Variants in CDH18 observed in about 807,000 individuals in gnomAD.
CDH18 encodes the protein cadherin-18.
A neutral mutation model predicts 67.9 loss-of-function variants in CDH18; 31 were observed. That is an observed-to-expected ratio of 0.46 (90% CI 0.34 to 0.62). The LOEUF is 0.62. CDH18 is among the 20% of genes least tolerant of loss of function. The pLI is 0.01. For synonymous variants in CDH18, 362 were observed against 347.2 expected, an observed-to-expected ratio of 1.04 and a Z score of -0.48; for missense variants, 890 against 975.5, an observed-to-expected ratio of 0.91 and a Z score of 1.17.
intron 5 of CDH18, among the ~76,000 whole-genome samples, chr5:19,666,865 AC>A (rs1263731429): frequency 6.6e-6 from 1 of 152,100 alleles, no homozygotes; most frequent in African/African-American, 2.4e-5. Context: ...TAAAAAAGTT[AC>A]CTGTGGCCTT....
intron 2 of CDH18, among the ~76,000 whole-genome samples, chr5:19,960,151 A>G (rs1217741569): frequency 2.6e-5 from 4 of 152,052 alleles, no homozygotes; most frequent in Non-Finnish European, 4.4e-5. Flanking sequence ...TTTCTTTAAC[A>G]GTAAGTTAAT....
intron 1 of CDH18, among the ~76,000 whole-genome samples, chr5:20,258,949 C>A (rs1744444502): frequency 6.6e-6 from 1 of 152,056 alleles, no homozygotes; most frequent in Non-Finnish European, 1.5e-5. Context: ...GAGCAGAGAA[C>A]CTAGGTAAGC....
At chr5:19,975,610 T>C (rs1024062193) in intron 2 of CDH18, among the ~76,000 whole-genome samples, 8 of 152,208 alleles carry the variant, frequency 5.3e-5, no homozygotes, top group African/African-American at 1.9e-4. Flanking sequence ...TTTTTATAAA[T>C]AATACTTTTT....
chr5:20,190,271 C>T (rs1247165049), intron 2 of CDH18, among the ~76,000 whole-genome samples: 2 of 152,260 alleles, frequency 1.3e-5, no homozygotes, highest in East Asian at 3.9e-4. Flanking sequence ...TCTTCAGTTA[C>T]ATCAATCCTT....
intron 2 of CDH18, among the ~76,000 whole-genome samples, chr5:19,857,770 A>G (rs1784465257): frequency 6.6e-6 from 1 of 152,194 alleles, no homozygotes; most frequent in Non-Finnish European, 1.5e-5. Context: ...AGCAAACTTA[A>G]GAAATTCAGA....
intron 3 of CDH18, among the ~76,000 whole-genome samples, chr5:19,782,586 A>C (rs2149786350): frequency 6.6e-6 from 1 of 152,268 alleles, no homozygotes; most frequent in Non-Finnish European, 1.5e-5. Context: ...TCTACAATGG[A>C]GTCAGGGCAG....
chr5:20,131,817 A>T (rs575890971), intron 2 of CDH18, among the ~76,000 whole-genome samples: 103 of 152,264 alleles, frequency 6.8e-4, no homozygotes, highest in African/African-American at 2.4e-3. Context: ...TGGGTCTATT[A>T]CTTTACACTT....
At chr5:20,549,826 AT>A (rs998111877) in intron 1 of CDH18, among the ~76,000 whole-genome samples, 1 of 152,190 alleles carries the variant, frequency 6.6e-6, no homozygotes, top group African/African-American at 2.4e-5. Context: ...ACATATAAAA[AT>A]GTGCATATTT....
intron 2 of CDH18, among the ~76,000 whole-genome samples, chr5:20,054,198 C>A (rs1025814643): frequency 2.6e-5 from 4 of 151,980 alleles, no homozygotes; most frequent in South Asian, 4.1e-4. Flanking sequence ...GATGTTACAT[C>A]CCCAAATATA....
upstream of CDH18, among the ~76,000 whole-genome samples, chr5:19,988,758 T>G (rs1382659137): frequency 6.6e-6 from 1 of 152,098 alleles, no homozygotes; most frequent in Non-Finnish European, 1.5e-5. Context: ...CTGCTAAACA[T>G]TCAACTGCTG....
Position 20,080,921 on chromosome 5 carries a change from TG to T in CDH18, c.-517-88908del, listed in dbSNP as rs1241889726. Among the ~76,000 whole-genome samples, 3 of 152,244 alleles carry T rather than the reference TG, an allele frequency of 2.0e-5. No homozygotes were observed. In the East Asian group the frequency reaches 5.8e-4, roughly 29 times the overall value. On this transcript the variant is annotated intron_variant, in intron 2 of 14. Transcript: ENST00000507958. ...TCTACTCTTTCCTAAGCCTCAGCAG[TG>T]TTCATTCCCTCTAATATTGCATTAG... is the stretch of plus-strand genomic sequence containing the variant.
chr5:20,305,688 C>G lies in CDH18; in HGVS notation c.-579-50183G>C, dbSNP rs116381614. ...GTAGGGGAGATCCTCACGCTGTGTT[C>G]GGCAGCGAGGCGGCGAGACGCGCCG... On this transcript the variant is annotated intron_variant, in intron 1 of 14. Transcript: ENST00000507958. 1.6e-3 allele frequency: 692 copies of G among 442,396 alleles called. 9 individuals carry two copies. The highest frequency in any genetic ancestry group is 0.013 in the African/African-American group (633 of 48,286). The allele number at this position is 442,396 out of a possible 1,614,324, so 27.4% of individuals were successfully genotyped here.
At chr5:20,465,981 T>A (rs1017237510) in intron 1 of CDH18, among the ~76,000 whole-genome samples, 1 of 152,070 alleles carries the variant, frequency 6.6e-6, no homozygotes, top group Admixed American at 6.6e-5. Flanking sequence ...TTCTGCTCTT[T>A]AAATTTTTAA....
rs916914154 is a variant in CDH18, at chr5:19,472,525, T to A, written c.*701A>T. ...AGTATCCCATTAAAATAAAAGGGGG[T>A]GTACGGGATAGAGACAATAGTCTCG... On this transcript the variant is annotated 3_prime_UTR_variant, in exon 13 of 13. Transcript: ENST00000382275. 2.6e-5 allele frequency among the ~76,000 whole-genome samples: 4 copies of A among 152,014 alleles called. No individual in the cohort carries two copies. The highest frequency in any genetic ancestry group is 4.8e-5 in the African/African-American group (2 of 41,402).
chr5:20,457,647 T>A (rs1411174567), intron 1 of CDH18, among the ~76,000 whole-genome samples: 1 of 152,162 alleles, frequency 6.6e-6, no homozygotes, highest in East Asian at 1.9e-4. Context: ...TGCTTGGAAA[T>A]CCTGTACTAG....
At chr5:19,984,073 A>G (rs1037345923) in intron 1 of CDH18, among the ~76,000 whole-genome samples, 6 of 152,128 alleles carry the variant, frequency 3.9e-5, no homozygotes, top group Non-Finnish European at 7.4e-5. Context: ...TATCCTCTCT[A>G]CTATTCACAT....
intron 2 of CDH18, among the ~76,000 whole-genome samples, chr5:19,855,685 A>G (rs1441717547): frequency 6.6e-6 from 1 of 152,152 alleles, no homozygotes. Flanking sequence ...TTGATCCTCA[A>G]AATGCAATAT....
At chr5:19,856,607 G>C (rs1784309354) in intron 2 of CDH18, among the ~76,000 whole-genome samples, 2 of 152,080 alleles carry the variant, frequency 1.3e-5, no homozygotes, top group Non-Finnish European at 2.9e-5. Context: ...TCTTCAAAGA[G>C]GTTATCAAGT....
chr5:20,553,322 G>A (rs985505356), intron 1 of CDH18, among the ~76,000 whole-genome samples: 2 of 151,884 alleles, frequency 1.3e-5, no homozygotes, highest in African/African-American at 2.4e-5. Context: ...CATCATAATT[G>A]TTGGTTATAT....
Sources: allele counts gnomAD v4.1 joint callset (sites outside exome capture counted in the v4.1 genomes callset), GRCh38; gene constraint gnomAD v4.1.1; transcripts MANE v1.5; gene names NCBI Gene and HGNC (gene_info 2026-07-23, HGNC 2026-07-21).